PARP15: variants seen among roughly 807,000 people sequenced by gnomAD.
PARP15 encodes the protein protein mono-ADP-ribosyltransferase PARP15.
In PARP15, 50 loss-of-function variants were observed where a neutral mutation model predicts 62.1. The observed-to-expected ratio is 0.81, with a 90% CI of 0.64 to 1.02. The LOEUF is 1.02. PARP15 is among the 50% of genes least tolerant of loss of function. The pLI is 0.00. For missense variants in PARP15, 820 were observed against 826.5 expected (o/e 0.99, Z 0.10); for synonymous variants, 309 against 293.1 (o/e 1.05, Z -0.55).
intron 11 of PARP15, 83 bp from the exon 12 acceptor site, chr3:122,635,728 A>G: frequency 6.8e-7 from 1 of 1,473,244 alleles, no homozygotes; most frequent in Non-Finnish European, 9.1e-7. Context: ...TGCATTTAGA[A>G]AACAATTTTG....
At chr3:122,612,398 T>G (rs2107540143) in intron 3 of PARP15, among the ~76,000 whole-genome samples, 1 of 152,136 alleles carries the variant, frequency 6.6e-6, no homozygotes, top group South Asian at 2.1e-4. Context: ...AATATTCTCT[T>G]TAAACATTTT....
Position 122,636,110 on chromosome 3 carries a change from TATC to T in PARP15, c.*15_*17del. The stretch of plus-strand genomic sequence containing the variant: ...AACTTTCACGGCTTAAAAATATTTT[TATC>T]ATCAAAGAGATGATTTAAGTCATCT... On this transcript the variant is annotated 3_prime_UTR_variant, in exon 12 of 12. Coordinates refer to ENST00000464300, the MANE Select transcript of PARP15 (RefSeq NM_001113523.3). 1 of 1,602,404 alleles carries T rather than the reference TATC, an allele frequency of 6.2e-7. No homozygotes were observed. The highest frequency in any genetic ancestry group is 8.5e-7 in the Non-Finnish European group (1 of 1,171,642).
chr3:122,632,086 G>T lies in PARP15; in HGVS notation c.1439G>T (p.Cys480Phe). The T allele has an allele frequency of 6.2e-7, 1 of 1,613,950 alleles. No homozygotes were observed. Among genetic ancestry groups the T allele is most frequent in the East Asian group, 2.2e-5 (1 of 44,872 alleles). Residue 480 changes from cysteine (C) to phenylalanine (F), a missense_variant and splice_region_variant, in exon 10 of 12, where the codon TGT (cysteine) becomes TTT (phenylalanine). By Grantham distance (205) the Cys-to-Phe change is radical. Around this residue, in one of 3 missense-constraint regions of PARP15, gnomAD observed 731 missense variants for 727.7 expected, o/e 1.00. Transcript: ENST00000464300. ...TTTTGACCAAATGCTGACTTTCCAG[G>T]TAATCTTCCTGAACACTGGACTGAC... Reference protein sequence around the residue: ...NFQSTFSMTTCNLPEHWTDMN... With the variant: ...NFQSTFSMTTFNLPEHWTDMN...
At chr3:122,616,766 G>A (rs545434817) in intron 5 of PARP15, among the ~76,000 whole-genome samples, 7 of 152,054 alleles carry the variant, frequency 4.6e-5, no homozygotes, top group African/African-American at 9.6e-5. Flanking sequence ...TGACACTATC[G>A]GATATTTCTG....
At position 122,626,877 on chromosome 3, in the gene PARP15, A is replaced by T; in HGVS notation, c.1282A>T (p.Ile428Phe). Residue 428 changes from isoleucine to phenylalanine, a missense_variant, in exon 9 of 12, where the codon ATT becomes TTT. Ile to Phe is a conservative substitution (Grantham distance 21). Around this residue, in one of 3 missense-constraint regions of PARP15, gnomAD observed 731 missense variants for 727.7 expected, o/e 1.00. Transcript: ENST00000464300. ...ITVADNIIDAIVDFSSQHSTP... is the reference protein window; with the variant it reads ...ITVADNIIDAFVDFSSQHSTP... ...AGTTGCTGATAACATAATCGATGCTATTGTAGACTTCTCATCACAACATTC... is the reference window on the plus strand; with the variant it reads ...AGTTGCTGATAACATAATCGATGCTTTTGTAGACTTCTCATCACAACATTC... The T allele has an allele frequency of 6.2e-7, 1 of 1,614,058 alleles. No individual in the cohort carries two copies. Among genetic ancestry groups the T allele is most frequent in the Non-Finnish European group, 8.5e-7 (1 of 1,180,004 alleles).
intron 2 of PARP15, among the ~76,000 whole-genome samples, chr3:122,608,820 T>C (rs189429784): frequency 6.6e-6 from 1 of 150,474 alleles, no homozygotes; most frequent in East Asian, 2.0e-4. Context: ...TAGGCTGGAG[T>C]GCAGTGGCGC....
At position 122,635,949 on chromosome 3, in the gene PARP15, G is replaced by C. The variant is rs145474072; in HGVS notation, c.1886G>C (p.Arg629Pro). Residue 629 changes from arginine to proline, a missense_variant, in exon 12 of 12, where the codon CGT becomes CCT. Around this residue, in one of 3 missense-constraint regions of PARP15, gnomAD observed 84 missense variants for 79.7 expected, o/e 1.05. Transcript: ENST00000464300. ...RVLTGVFTKG[R>P]AGLVTPPPKN... ...CTTACTGGAGTCTTCACAAAGGGACGTGCAGGATTAGTCACCCCTCCACCC... is the reference window on the plus strand; with the variant it reads ...CTTACTGGAGTCTTCACAAAGGGACCTGCAGGATTAGTCACCCCTCCACCC... The C allele has an allele frequency of 8.8e-4, 1,421 of 1,614,094 alleles. 17 individuals are homozygous for C. In the African/African-American group the frequency reaches 0.017, roughly 19 times the overall value.
chr3:122,622,817 C>T (rs762788215), intron 8 of PARP15, among the ~76,000 whole-genome samples: 6 of 152,202 alleles, frequency 3.9e-5, no homozygotes, highest in African/African-American at 7.2e-5. Context: ...CCCTGTCACT[C>T]TCATGGAAGT....
chr3:122,616,394 A>T (rs1219845633), intron 5 of PARP15, among the ~76,000 whole-genome samples: 1 of 136,036 alleles, frequency 7.4e-6, no homozygotes. Flanking sequence ...CAGTGGCGTG[A>T]TCTTGGCTCA....
At chr3:122,611,018 C>T (rs1269044584) in intron 3 of PARP15, among the ~76,000 whole-genome samples, 1 of 152,190 alleles carries the variant, frequency 6.6e-6, no homozygotes, top group East Asian at 1.9e-4. Flanking sequence ...ATGGAGAATT[C>T]ATCACAACTA....
chr3:122,626,751 G>C, intron 8 of PARP15, 76 bp from the exon 9 acceptor site: 1 of 1,350,252 alleles, frequency 7.4e-7, no homozygotes, highest in South Asian at 1.4e-5. Context: ...TCTCAGCACT[G>C]AGAACTGGAT....
At chr3:122,629,014 C>T (rs958676554) in intron 9 of PARP15, among the ~76,000 whole-genome samples, 13 of 152,144 alleles carry the variant, frequency 8.5e-5, no homozygotes, top group African/African-American at 2.9e-4. Context: ...ACTTATTGAG[C>T]ACCAAGTATA....
intron 6 of PARP15, among the ~76,000 whole-genome samples, chr3:122,618,782 A>G (rs140708837): frequency 5.6e-4 from 85 of 152,302 alleles, no homozygotes; most frequent in African/African-American, 2.0e-3. Context: ...TCGAGTGCCC[A>G]GCCCCTCTCC....
At chr3:122,629,902 C>A (rs1053189895) in intron 9 of PARP15, among the ~76,000 whole-genome samples, 2 of 152,116 alleles carry the variant, frequency 1.3e-5, no homozygotes, top group Admixed American at 1.3e-4. Context: ...AGACAGAGCT[C>A]AGGTGGTAAT....
intron 1 of PARP15, among the ~76,000 whole-genome samples, chr3:122,597,838 C>G (rs1934481055): frequency 6.6e-6 from 1 of 152,116 alleles, no homozygotes; most frequent in African/African-American, 2.4e-5. Flanking sequence ...ATCCTCAAGT[C>G]CCTTATGTAA....
intron 3 of PARP15, among the ~76,000 whole-genome samples, chr3:122,612,031 G>C (rs1935603212): frequency 7.4e-6 from 1 of 135,350 alleles, no homozygotes; most frequent in South Asian, 2.2e-4. Context: ...TTATGTCTTA[G>C]TTGAGATTCT....
At chr3:122,612,834 A>G (rs1036545389) in intron 3 of PARP15, among the ~76,000 whole-genome samples, 2 of 150,482 alleles carry the variant, frequency 1.3e-5, no homozygotes, top group Admixed American at 6.6e-5. Context: ...AGCCATTCCC[A>G]CGCTGTTGGA....
intron 1 of PARP15, among the ~76,000 whole-genome samples, chr3:122,595,463 T>C (rs1208637151): frequency 6.6e-6 from 1 of 152,228 alleles, no homozygotes; most frequent in African/African-American, 2.4e-5. Flanking sequence ...TTTCATACAA[T>C]TGATGGCTCC....
At chr3:122,615,731 A>G in intron 4 of PARP15, 48 bp from the exon 5 acceptor site, 1 of 1,606,642 alleles carries the variant, frequency 6.2e-7, no homozygotes, top group South Asian at 1.1e-5. Flanking sequence ...AATTGGATTA[A>G]TATTTTTACA....
Sources: allele counts gnomAD v4.1 joint callset (sites outside exome capture counted in the v4.1 genomes callset), GRCh38; gene constraint gnomAD v4.1.1; regional missense constraint gnomAD v4.1.1; transcripts MANE v1.5; gene names NCBI Gene and HGNC (gene_info 2026-07-23, HGNC 2026-07-21).